Variants in TOP1MT observed in about 807,000 individuals in gnomAD.
TOP1MT encodes the protein DNA topoisomerase I, mitochondrial.
TOP1MT carries 80 observed loss-of-function variants against 73.9 expected under a neutral mutation model. The observed-to-expected ratio is 1.08, with a 90% CI of 0.90 to 1.30. The LOEUF (loss-of-function observed/expected upper bound fraction) is 1.30. TOP1MT is among the 50% of genes most tolerant of loss of function. The pLI is 0.00. For missense variants in TOP1MT, 815 were observed against 808.0 expected (o/e 1.01, Z -0.10); for synonymous variants, 338 against 326.4 (o/e 1.04, Z -0.38).
At chr8:143,335,616 G>A (rs3812438), upstream of TOP1MT, among the ~76,000 whole-genome samples, 1 of 152,336 alleles carries the variant, frequency 6.6e-6, no homozygotes, top group Non-Finnish European at 1.5e-5. Flanking sequence ...CTTGGCGGTA[G>A]GCCCTGAGCC....
At chr8:143,323,001 A>G (rs1474715591) in intron 7 of TOP1MT, among the ~76,000 whole-genome samples, 1 of 121,458 alleles carries the variant, frequency 8.2e-6, no homozygotes, top group African/African-American at 3.2e-5. Context: ...CACGCCACAC[A>G]CAGGCACGCC....
intron 1 of TOP1MT, among the ~76,000 whole-genome samples, chr8:143,332,074 G>A (rs1225849190): frequency 3.9e-5 from 6 of 152,238 alleles, no homozygotes; most frequent in African/African-American, 7.2e-5. Context: ...GTGTTGGAGG[G>A]GGTGGGGGGA....
At chr8:143,336,451 A>G (rs1017829826), upstream of TOP1MT, among the ~76,000 whole-genome samples, 16 of 152,218 alleles carry the variant, frequency 1.1e-4, no homozygotes, top group Non-Finnish European at 1.5e-5. Context: ...CCTGAAAAGC[A>G]GCATCTACAA....
At chr8:143,324,284 G>A in intron 6 of TOP1MT, 142 bp from the exon 7 acceptor site, 2 of 1,353,558 alleles carry the variant, frequency 1.5e-6, no homozygotes, top group East Asian at 2.4e-5. Context: ...AAATCTAGCT[G>A]GGTGATGCCG....
At position 143,353,963 on chromosome 8, in the gene TOP1MT, CAAAAAAAA is replaced by C. The variant is rs1186472770; in HGVS notation, c.-39+1994_-39+2001del. Among the ~76,000 whole-genome samples the C allele has an allele frequency of 1.3e-4, 6 of 47,606 alleles. 1 individual carries two copies. Among genetic ancestry groups the C allele is most frequent in the African/African-American group, 5.3e-4 (5 of 9,360 alleles). 31.2% of individuals were successfully genotyped at this position (47,606 alleles called of 152,430 possible). ...TGGGCGACAAAGAGAGACTCCATCCCAAAAAAAAAAAAAAAAAAAAAAAAAAGTCTGTT... is the reference window on the plus strand; with the variant it reads ...TGGGCGACAAAGAGAGACTCCATCCCAAAAAAAAAAAAAAAAAAGTCTGTT... On this transcript the variant is annotated intron_variant, in intron 1 of 5. Transcript: ENST00000518760.
chr8:143,340,576 T>C (rs375611351), intron 2 of TOP1MT, among the ~76,000 whole-genome samples: 3 of 152,150 alleles, frequency 2.0e-5, no homozygotes, highest in South Asian at 4.2e-4. Context: ...CTTTCTCTTC[T>C]TGGGGCTTCT....
chr8:143,311,982 G>A (rs1022495274), intron 12 of TOP1MT, among the ~76,000 whole-genome samples: 3 of 152,012 alleles, frequency 2.0e-5, no homozygotes, highest in Non-Finnish European at 2.9e-5. Flanking sequence ...AACTTTAAAC[G>A]TCTCCCAAAG....
At chr8:143,327,794 C>A in intron 3 of TOP1MT, 1 of 432,248 alleles carries the variant, frequency 2.3e-6, no homozygotes, top group South Asian at 1.7e-5. Flanking sequence ...GCGGAGCCTG[C>A]ACAGGGGACA....
intron 1 of TOP1MT, among the ~76,000 whole-genome samples, chr8:143,354,750 T>C (rs1306641203): frequency 6.6e-6 from 1 of 151,914 alleles, no homozygotes; most frequent in Non-Finnish European, 1.5e-5. Context: ...AAATTAAATT[T>C]AACAAAGTTT....
chr8:143,325,524 C>G lies in TOP1MT; in HGVS notation c.493G>C (p.Glu165Gln). 1 of 1,607,756 alleles carries G rather than the reference C, an allele frequency of 6.2e-7. No individual in the cohort carries two copies. The highest frequency in any genetic ancestry group is 8.5e-7 in the Non-Finnish European group (1 of 1,174,714). Reference protein sequence around the residue: ...LSREEKQKLKEEAEKLQQEFG... With the variant: ...LSREEKQKLKQEAEKLQQEFG... The stretch of plus-strand genomic sequence containing the variant: ...TCTTGCTGAAGTTTTTCTGCCTCTT[C>G]TTTTAGCTTCTGAGTTAATAAAACA... The change falls in exon 5 of 14, where the codon GAA becomes CAA. Residue 165 changes from glutamate (E) to glutamine (Q), a missense_variant. Glu to Gln is a conservative substitution (Grantham distance 29). Coordinates refer to ENST00000329245, the MANE Select transcript of TOP1MT (RefSeq NM_052963.3).
At position 143,350,005 on chromosome 8, in the gene TOP1MT, A is replaced by G. The variant is rs544190826; in HGVS notation, c.-39+5960T>C. ...ACACTCCCACAACCCCATTACACCA[A>G]TTCAAAACTTATCAGCTCACATCCC... On this transcript the variant is annotated intron_variant, in intron 1 of 5. Coordinates refer to the TOP1MT transcript ENST00000518760. 3.3e-5 allele frequency among the ~76,000 whole-genome samples: 5 copies of G among 152,198 alleles called. No individual in the cohort carries two copies. In the South Asian group the frequency reaches 8.3e-4, roughly 25 times the overall value.
chr8:143,358,668 C>G (rs1405922348), upstream of TOP1MT: 1 of 152,346 alleles, frequency 6.6e-6, no homozygotes, highest in African/African-American at 2.4e-5. Context: ...GTGTCCCCAC[C>G]TGCAAGAAAA....
upstream of TOP1MT, among the ~76,000 whole-genome samples, chr8:143,336,166 T>G (rs553366860): frequency 3.8e-4 from 58 of 152,358 alleles, 4 homozygotes; most frequent in South Asian, 0.012. Flanking sequence ...TTTTTGATTT[T>G]TTGTTTTTTA....
At chr8:143,309,948 G>A in intron 13 of TOP1MT, 120 bp downstream of exon 13, 1 of 1,597,160 alleles carries the variant, frequency 6.3e-7, no homozygotes, top group Non-Finnish European at 8.5e-7. Context: ...CACAGGGAGG[G>A]CCTGTGCTGA....
chr8:143,319,018 A>C (rs953974561), intron 8 of TOP1MT, among the ~76,000 whole-genome samples: 4 of 152,098 alleles, frequency 2.6e-5, no homozygotes, highest in Non-Finnish European at 5.9e-5. Flanking sequence ...GACAGAGTGC[A>C]ACTCCCCATC....
At chr8:143,336,550 T>C (rs535838361), upstream of TOP1MT, among the ~76,000 whole-genome samples, 19 of 152,304 alleles carry the variant, frequency 1.2e-4, no homozygotes, top group East Asian at 3.3e-3. Flanking sequence ...CTCTCACCAC[T>C]GCCTCTCAAC....
upstream of TOP1MT, among the ~76,000 whole-genome samples, chr8:143,347,814 G>A (rs1244089652): frequency 6.6e-6 from 1 of 152,154 alleles, no homozygotes; most frequent in Admixed American, 6.5e-5. Flanking sequence ...AAGGTGGGCT[G>A]TGCGGGACCA....
chr8:143,339,726 C>T (rs1817041077), upstream of TOP1MT, among the ~76,000 whole-genome samples: 1 of 148,534 alleles, frequency 6.7e-6, no homozygotes, highest in Non-Finnish European at 1.5e-5. Context: ...GCCTCCCCCA[C>T]CAGGGACAGG....
chr8:143,324,003 T>TCGATGAAATACAGGGCAGA lies in TOP1MT; in HGVS notation c.955_956insTCTGCCCTGTATTTCATCG (p.Asp319ValfsTer8). On this transcript the variant is annotated frameshift_variant, in exon 7 of 14. Transcript: ENST00000329245. LOFTEE classifies it high-confidence loss of function. ...GGAAGCGAGAAGGCCGCATACCTTA[T>TCGATGAAATACAGGGCAGA]CGATGAAATACAGGGCCACCGCCCG... The TCGATGAAATACAGGGCAGA allele has an allele frequency of 6.2e-7, 1 of 1,613,622 alleles. No homozygotes were observed. Among genetic ancestry groups the TCGATGAAATACAGGGCAGA allele is most frequent in the Non-Finnish European group, 8.5e-7 (1 of 1,179,976 alleles).
Sources: allele counts gnomAD v4.1 joint callset (sites outside exome capture counted in the v4.1 genomes callset), GRCh38; gene constraint gnomAD v4.1.1; transcripts MANE v1.5; gene names NCBI Gene and HGNC (gene_info 2026-07-23, HGNC 2026-07-21).